ARHGEF26: variants seen among roughly 807,000 people sequenced by gnomAD.
The protein encoded by ARHGEF26 is Rho guanine nucleotide exchange factor 26.
Under a neutral mutation model 89.4 loss-of-function variants are expected in ARHGEF26, and 59 were observed. The ratio of observed to expected loss-of-function variants is 0.66; its 90% CI spans 0.54 to 0.82. The LOEUF is 0.82. Among genes scored for constraint, ARHGEF26 ranks in the 40% least tolerant of loss-of-function variants. The probability of loss-of-function intolerance (pLI) is 0.00; values close to 1 mark genes in which losing one functional copy is unlikely to be tolerated. For synonymous variants in ARHGEF26, 500 were observed against 428.4 expected, an observed-to-expected ratio of 1.17 and a Z score of -2.06; for missense variants, 1,234 against 1,085.6, an observed-to-expected ratio of 1.14 and a Z score of -1.92.
At chr3:154,238,567 C>A (rs1717261854) in intron 11 of ARHGEF26, among the ~76,000 whole-genome samples, 1 of 152,112 alleles carries the variant, frequency 6.6e-6, no homozygotes, top group Non-Finnish European at 1.5e-5. Flanking sequence ...TTCTGAAATT[C>A]CTCCTAGTGT....
At chr3:154,173,486 T>C (rs557685010) in intron 6 of ARHGEF26, among the ~76,000 whole-genome samples, 2 of 152,328 alleles carry the variant, frequency 1.3e-5, no homozygotes, top group African/African-American at 4.8e-5. Context: ...ATTATTGCAA[T>C]TTGCAAACTC....
intron 12 of ARHGEF26, among the ~76,000 whole-genome samples, chr3:154,249,010 T>G (rs1216975583): frequency 2.6e-5 from 4 of 152,224 alleles, no homozygotes; most frequent in African/African-American, 9.7e-5. Context: ...TTCGAAGGAC[T>G]TTAGAGAAAT....
At chr3:154,209,550 T>C (rs899866459) in intron 9 of ARHGEF26, among the ~76,000 whole-genome samples, 1 of 152,226 alleles carries the variant, frequency 6.6e-6, no homozygotes, top group Non-Finnish European at 1.5e-5. Context: ...GGAAGAATTC[T>C]CTGGATTACC....
intron 12 of ARHGEF26, among the ~76,000 whole-genome samples, chr3:154,247,520 C>A (rs1717876136): frequency 6.6e-6 from 1 of 152,198 alleles, no homozygotes; most frequent in Non-Finnish European, 1.5e-5. Context: ...TCACTAATCC[C>A]TAAGCTCAGC....
intron 9 of ARHGEF26, among the ~76,000 whole-genome samples, chr3:154,202,802 C>T (rs373378815): frequency 2.1e-4 from 11 of 53,180 alleles, no homozygotes; most frequent in Admixed American, 8.5e-4. Flanking sequence ...GGCTCTCTGT[C>T]TGTTATTGGT....
At chr3:154,161,425 G>A (rs1280315322) in intron 6 of ARHGEF26, among the ~76,000 whole-genome samples, 1 of 152,058 alleles carries the variant, frequency 6.6e-6, no homozygotes, top group Non-Finnish European at 1.5e-5. Context: ...AGATTGTTTT[G>A]AGGATTAAAT....
At position 154,191,275 on chromosome 3, in the gene ARHGEF26, T is replaced by A. The variant is rs1559888308; in HGVS notation, c.1641-14T>A. On this transcript the variant is annotated splice_polypyrimidine_tract_variant and intron_variant, in intron 7 of 14. Transcript: ENST00000465093. ...AAATATTTTGAAGTTTCTCTTTTCT[T>A]TGTTTTCCCTCAGAGCTACCAATCC... 17 of 1,590,568 alleles carry A rather than the reference T, an allele frequency of 1.1e-5. No individual in the cohort carries two copies. The highest frequency in any genetic ancestry group is 1.5e-5 in the Non-Finnish European group (17 of 1,170,894).
chr3:154,201,645 C>G (rs1405204371), intron 9 of ARHGEF26, among the ~76,000 whole-genome samples: 2 of 150,498 alleles, frequency 1.3e-5, no homozygotes, highest in African/African-American at 4.8e-5. Context: ...TCCTATTTCT[C>G]CACATCCTCT....
intron 6 of ARHGEF26, among the ~76,000 whole-genome samples, chr3:154,160,935 G>GATGA (rs1711617383): frequency 6.6e-6 from 1 of 152,106 alleles, no homozygotes; most frequent in African/African-American, 2.4e-5. Flanking sequence ...CCAGCAAGAT[G>GATGA]ATGACCCTCT....
intron 11 of ARHGEF26, among the ~76,000 whole-genome samples, chr3:154,230,997 T>C (rs1439742009): frequency 6.6e-6 from 1 of 152,170 alleles, no homozygotes; most frequent in African/African-American, 2.4e-5. Context: ...TGCTCTTTCC[T>C]ATTATAGAAA....
At chr3:154,135,645 T>G (rs1426008523) in intron 4 of ARHGEF26, among the ~76,000 whole-genome samples, 1 of 152,208 alleles carries the variant, frequency 6.6e-6, no homozygotes, top group Admixed American at 6.5e-5. Context: ...CAGCAGTTCT[T>G]GGATCTCTGG....
At chr3:154,206,297 C>T (rs534384408) in intron 9 of ARHGEF26, among the ~76,000 whole-genome samples, 3 of 152,266 alleles carry the variant, frequency 2.0e-5, no homozygotes, top group African/African-American at 7.2e-5. Context: ...TCTCTTTTCT[C>T]TTGCTGCTTT....
At chr3:154,209,628 C>G (rs1020103310) in intron 9 of ARHGEF26, among the ~76,000 whole-genome samples, 2 of 152,200 alleles carry the variant, frequency 1.3e-5, no homozygotes, top group Non-Finnish European at 2.9e-5. Context: ...TGTTCTGAGT[C>G]ACCTAAAGAT....
rs181792180 is a variant in ARHGEF26, at chr3:154,255,907, T to C, written c.*434T>C. The C allele has an allele frequency of 6.1e-6, 6 of 989,094 alleles. No individual in the cohort carries two copies. The highest frequency in any genetic ancestry group is 6.0e-6 in the Non-Finnish European group (5 of 832,310). 61.3% of individuals were successfully genotyped at this position (989,094 alleles called of 1,614,324 possible). ...GTATATCTGTAAAGAATGTCCAGTT[T>C]TGTAAATATTTCCCTGCCTTTTTTT... On this transcript the variant is annotated 3_prime_UTR_variant, in exon 15 of 15. Transcript: ENST00000465093.
At chr3:154,188,323 G>A (rs1713723228) in intron 7 of ARHGEF26, among the ~76,000 whole-genome samples, 1 of 152,202 alleles carries the variant, frequency 6.6e-6, no homozygotes, top group East Asian at 1.9e-4. Flanking sequence ...GGTAGTTAGA[G>A]TTGAAGAGAG....
chr3:154,158,074 G>A (rs1297091321), intron 6 of ARHGEF26, among the ~76,000 whole-genome samples: 1 of 152,126 alleles, frequency 6.6e-6, no homozygotes, highest in East Asian at 1.9e-4. Flanking sequence ...ACATTAGTAG[G>A]TGGGGGCCAG....
chr3:154,135,634 C>A (rs186454207), intron 4 of ARHGEF26, among the ~76,000 whole-genome samples: 60 of 152,238 alleles, frequency 3.9e-4, no homozygotes, highest in Non-Finnish European at 1.6e-4. Context: ...AAACATTAAG[C>A]CAGCAGTTCT....
At chr3:154,234,292 A>G (rs1004652696) in intron 11 of ARHGEF26, among the ~76,000 whole-genome samples, 1 of 151,986 alleles carries the variant, frequency 6.6e-6, no homozygotes, top group Non-Finnish European at 1.5e-5. Context: ...AAGCTAGCCT[A>G]TTTTCCATTC....
At chr3:154,177,260 G>A (rs1712880501) in intron 6 of ARHGEF26, among the ~76,000 whole-genome samples, 1 of 152,180 alleles carries the variant, frequency 6.6e-6, no homozygotes, top group Admixed American at 6.5e-5. Context: ...CAAATGCCAG[G>A]TAAGATTTTG....
Sources: gnomAD v4.1 joint callset for allele counts (sites outside exome capture counted in the v4.1 genomes callset) on GRCh38, gnomAD v4.1.1 for gene constraint, MANE v1.5 for transcripts, NCBI Gene and HGNC (gene_info 2026-07-23, HGNC 2026-07-21) for gene names.